The following MSH4 variants were observed in gnomAD, a reference collection of about 807,000 sequenced individuals.
The protein encoded by MSH4 is mutS homolog 4, also known as mutS protein homolog 4.
A neutral mutation model predicts 113.7 loss-of-function variants in MSH4; 106 were observed. The observed-to-expected ratio is 0.93, with a 90% confidence interval of 0.80 to 1.10. MSH4 has a LOEUF of 1.10. MSH4 is among the 50% of genes least tolerant of loss of function. MSH4 has a pLI of 0.00. For synonymous variants in MSH4, 368 were observed against 380.2 expected (o/e 0.97, Z 0.37); for missense variants, 1,061 against 1,093.7 (o/e 0.97, Z 0.42).
chr1:75,912,837 AAAG>A lies in MSH4; in HGVS notation c.2766_2768del (p.Glu922del), dbSNP rs751582756. The A allele has an allele frequency of 1.6e-5, 25 of 1,581,716 alleles. No individual in the cohort carries two copies. The highest frequency in any genetic ancestry group is 1.7e-4 in the Middle Eastern group (1 of 5,978). On this transcript the variant is annotated inframe_deletion, in exon 20 of 20. Coordinates refer to ENST00000263187, the MANE Select transcript of MSH4 (RefSeq NM_002440.4). ...TTTAAGTAACCTCAAGAAGAAGTAC[AAAG>A]AAGATTTTCCCAGGACTGAACAAGT...
chr1:75,896,361 AC>A (rs1652383228), intron 17 of MSH4, among the ~76,000 whole-genome samples: 1 of 48,976 alleles, frequency 2.0e-5, no homozygotes, highest in East Asian at 3.8e-4. Flanking sequence ...ACACACACAC[AC>A]ACACACACAC....
intron 8 of MSH4, 100 bp downstream of exon 8, chr1:75,848,376 G>A: frequency 3.2e-6 from 3 of 928,476 alleles, no homozygotes; most frequent in Admixed American, 2.3e-5. Flanking sequence ...AATGTTTTGG[G>A]AAAGTCCTTC....
intron 1 of MSH4, among the ~76,000 whole-genome samples, chr1:75,797,734 C>T (rs1406546306): frequency 6.6e-6 from 1 of 152,192 alleles, no homozygotes; most frequent in Non-Finnish European, 1.5e-5. Flanking sequence ...GAGTTCCACA[C>T]CAGCCTGGCC....
chr1:75,797,207 G>A lies in MSH4; in HGVS notation c.222G>A (p.Ala74=). Residue 74 remains alanine (A), a synonymous_variant, in exon 1 of 20, where the codon GCG becomes GCA. Coordinates refer to ENST00000263187, the MANE Select transcript of MSH4 (RefSeq NM_002440.4). ...GCAGCAGCAGCCTTCCCTGCCCCGCGCCAAACTCCCGGCCAGCTCAAGGCA... is the reference window on the plus strand; with the variant it reads ...GCAGCAGCAGCCTTCCCTGCCCCGCACCAAACTCCCGGCCAGCTCAAGGCA... ...SSSSSSLPCP[A]PNSRPAQGSY... The A allele has an allele frequency of 1.9e-6, 3 of 1,605,460 alleles. No individual in the cohort carries two copies. The highest frequency in any genetic ancestry group is 2.2e-5 in the East Asian group (1 of 44,632).
intron 14 of MSH4, among the ~76,000 whole-genome samples, 169 bp from the exon 15 acceptor site, chr1:75,883,452 T>C (rs1651979494): frequency 6.6e-6 from 1 of 152,076 alleles, no homozygotes; most frequent in African/African-American, 2.4e-5. Context: ...GTGTCCATTA[T>C]AATTTAGAAG....
At chr1:75,882,956 A>G (rs1164024854) in intron 14 of MSH4, among the ~76,000 whole-genome samples, 1 of 152,048 alleles carries the variant, frequency 6.6e-6, no homozygotes, top group East Asian at 1.9e-4. Context: ...CCAGTAACCA[A>G]CTATGATTTT....
intron 8 of MSH4, among the ~76,000 whole-genome samples, chr1:75,852,867 GA>G (rs1651218603): frequency 6.6e-6 from 1 of 152,038 alleles, no homozygotes; most frequent in Non-Finnish European, 1.5e-5. Context: ...TCAAAAAAAT[GA>G]ATACTTAACT....
intron 9 of MSH4, among the ~76,000 whole-genome samples, chr1:75,876,286 C>T (rs1651816718): frequency 6.6e-6 from 1 of 151,922 alleles, no homozygotes; most frequent in South Asian, 2.1e-4. Context: ...TATCTTTGGA[C>T]AATAGTAGAT....
intron 9 of MSH4, among the ~76,000 whole-genome samples, chr1:75,872,515 C>T: frequency 6.6e-6 from 1 of 151,834 alleles, no homozygotes; most frequent in East Asian, 1.9e-4. Flanking sequence ...CCAGATATGA[C>T]CTAAAGAAAC....
At chr1:75,869,545 C>T (rs1366866172) in intron 9 of MSH4, among the ~76,000 whole-genome samples, 1 of 152,108 alleles carries the variant, frequency 6.6e-6, no homozygotes, top group Admixed American at 6.5e-5. Context: ...GTTTTCTGGC[C>T]CCGCTTGCTC....
At chr1:75,871,886 A>G (rs528335468) in intron 9 of MSH4, among the ~76,000 whole-genome samples, 11 of 152,232 alleles carry the variant, frequency 7.2e-5, no homozygotes, top group Non-Finnish European at 2.9e-5. Flanking sequence ...ATAGACTGGA[A>G]TATTATGAAT....
rs563748139 is a variant in MSH4 at position 75,858,212 on chromosome 1, C to A, written c.1231-9302C>A. On this transcript the variant is annotated intron_variant, in intron 8 of 19. Transcript: ENST00000263187. ...AATATACAATCATGTCATCTGCAAA[C>A]AGAGACAATTTGACTTCCTCTCTTC... Among the ~76,000 whole-genome samples the A allele has an allele frequency of 1.1e-3, 166 of 152,344 alleles. 1 individual carries two copies. The highest frequency in any genetic ancestry group is 2.1e-3 in the South Asian group (10 of 4,830).
intron 3 of MSH4, among the ~76,000 whole-genome samples, chr1:75,810,117 A>G (rs1414020695): frequency 6.6e-6 from 1 of 152,116 alleles, no homozygotes; most frequent in Non-Finnish European, 1.5e-5. Context: ...AGTAAAATAT[A>G]GCCTATTTTA....
intron 19 of MSH4, among the ~76,000 whole-genome samples, chr1:75,901,678 G>T (rs1652508622): frequency 6.6e-6 from 1 of 152,124 alleles, no homozygotes; most frequent in African/African-American, 2.4e-5. Flanking sequence ...ATGCCCAGCA[G>T]TAGGACTGCT....
At chr1:75,904,372 C>G (rs949610985) in intron 19 of MSH4, among the ~76,000 whole-genome samples, 2 of 152,020 alleles carry the variant, frequency 1.3e-5, no homozygotes, top group Non-Finnish European at 2.9e-5. Flanking sequence ...TAATACTAGC[C>G]TCATAGAATG....
At chr1:75,838,558 CT>C (rs1334181420) in intron 7 of MSH4, among the ~76,000 whole-genome samples, 1 of 152,160 alleles carries the variant, frequency 6.6e-6, no homozygotes, top group Non-Finnish European at 1.5e-5. Flanking sequence ...ATCCTTCAAT[CT>C]TTTCTCTTTA....
In MSH4 at chr1:75,815,156, A is replaced by G; in HGVS notation, c.815+20A>G. The G allele has an allele frequency of 7.7e-7, 1 of 1,295,130 alleles. No individual in the cohort carries two copies. The highest frequency in any genetic ancestry group is 1.1e-6 in the Non-Finnish European group (1 of 939,352). 80.2% of individuals were successfully genotyped at this position (1,295,130 alleles called of 1,614,324 possible). On this transcript the variant is annotated intron_variant, in intron 5 of 19. Transcript: ENST00000263187. ...GTCCAAGTAAGTTATATATTTATTT[A>G]TTTTTTTACTAGCCCACAGCTACCA...
rs5745449 is a variant in MSH4 at position 75,879,026 on chromosome 1, A to G, written c.1575A>G (p.Leu525=). The change falls in exon 12 of 20, where the codon CTA becomes CTG. Residue 525 remains leucine, a synonymous_variant. Transcript: ENST00000263187. ...CACAACTTGGAGAAAAATATAGTCT[A>G]CCTTTAAGGACAAGTTTTAGCTCTG... ...MISQLGEKYS[L]PLRTSFSSAR... is the part of the protein sequence containing the mutation. The G allele has an allele frequency of 3.8e-5, 61 of 1,609,600 alleles. No individual in the cohort carries two copies. Among genetic ancestry groups the G allele is most frequent in the Admixed American group, 1.7e-5 (1 of 59,900 alleles).
chr1:75,842,804 CGGGAAAGGGA>C (rs1650990559), intron 7 of MSH4, among the ~76,000 whole-genome samples: 3 of 152,038 alleles, frequency 2.0e-5, no homozygotes, highest in African/African-American at 7.2e-5. Context: ...CTTAGCAGAC[CGGGAAAGGGA>C]GTCTCCCTTT....
Sources: allele counts gnomAD v4.1 joint callset (sites outside exome capture counted in the v4.1 genomes callset), GRCh38; gene constraint gnomAD v4.1.1; transcripts MANE v1.5; gene names NCBI Gene and HGNC (gene_info 2026-07-23, HGNC 2026-07-21).